The following VAV3 variants were observed in gnomAD, a reference collection of about 807,000 sequenced individuals.
VAV3 encodes the protein vav guanine nucleotide exchange factor 3.
Under a neutral mutation model 131.2 loss-of-function variants are expected in VAV3, and 94 were observed. That is an observed-to-expected ratio of 0.72 (90% CI 0.61 to 0.85). The LOEUF (loss-of-function observed/expected upper bound fraction) is 0.85. Ranked by LOEUF, VAV3 falls within the 40% of genes least tolerant of loss-of-function variation. The pLI, the probability that VAV3 is intolerant of heterozygous loss-of-function variation, is 0.00. For synonymous variants in VAV3, 349 were observed against 342.0 expected, an observed-to-expected ratio of 1.02 and a Z score of -0.22; for missense variants, 939 against 1,002.7, an observed-to-expected ratio of 0.94 and a Z score of 0.86.
At chr1:107,595,002 GT>G (rs1405010058) in intron 25 of VAV3, among the ~76,000 whole-genome samples, 1 of 152,124 alleles carries the variant, frequency 6.6e-6, no homozygotes, top group African/African-American at 2.4e-5. Context: ...CTTCAACAGA[GT>G]TTTAAGATAT....
chr1:107,627,133 C>T (rs1387977835), intron 20 of VAV3, among the ~76,000 whole-genome samples: 1 of 152,126 alleles, frequency 6.6e-6, no homozygotes, highest in Non-Finnish European at 1.5e-5. Context: ...CAGAGGGTTT[C>T]TGGGTTGTGC....
intron 24 of VAV3, among the ~76,000 whole-genome samples, chr1:107,598,538 T>C (rs1651577817): frequency 6.6e-6 from 1 of 152,186 alleles, no homozygotes; most frequent in Non-Finnish European, 1.5e-5. Context: ...CCTTTCTTCC[T>C]TGGGCCCAGA....
chr1:107,668,300 G>C (rs754808621), intron 19 of VAV3, among the ~76,000 whole-genome samples: 1 of 152,134 alleles, frequency 6.6e-6, no homozygotes, highest in South Asian at 2.1e-4. Flanking sequence ...AACATACAAT[G>C]CTTCTTCTAG....
chr1:107,945,212 C>A (rs896202751), intron 1 of VAV3, among the ~76,000 whole-genome samples: 2 of 151,928 alleles, frequency 1.3e-5, no homozygotes, highest in African/African-American at 4.8e-5. Context: ...TCAGACTTTC[C>A]CTCATTAACA....
rs116310444 is a variant in VAV3, at chr1:107,773,260, C to T, written c.447-417G>A. Among the ~76,000 whole-genome samples, 979 of 152,306 alleles carry T rather than the reference C, an allele frequency of 6.4e-3. 13 individuals are homozygous for T. Among genetic ancestry groups the T allele is most frequent in the African/African-American group, 0.023 (937 of 41,566 alleles). On this transcript the variant is annotated intron_variant, in intron 4 of 26. Coordinates refer to ENST00000370056, the MANE Select transcript of VAV3 (RefSeq NM_006113.5). ...ATCCAATATTTAAAACCAAGTCTGT[C>T]TTAACGCTGAGTGTTTTACCCACTC...
chr1:107,597,871 C>G (rs1472458452), intron 24 of VAV3, among the ~76,000 whole-genome samples: 1 of 152,120 alleles, frequency 6.6e-6, no homozygotes, highest in African/African-American at 2.4e-5. Flanking sequence ...ATCCCATGTG[C>G]CAGGCCCTTT....
chr1:107,653,130 G>T (rs1249931642), intron 19 of VAV3, among the ~76,000 whole-genome samples: 2 of 151,634 alleles, frequency 1.3e-5, no homozygotes, highest in African/African-American at 4.8e-5. Flanking sequence ...TGCAGACAGG[G>T]TTTATTGATT....
At chr1:107,841,283 G>A (rs1053570304) in intron 2 of VAV3, among the ~76,000 whole-genome samples, 3 of 151,988 alleles carry the variant, frequency 2.0e-5, no homozygotes, top group African/African-American at 7.3e-5. Flanking sequence ...GGTGTATTTA[G>A]GGGAAAGGGG....
intron 18 of VAV3, among the ~76,000 whole-genome samples, chr1:107,686,688 T>C (rs774136498): frequency 1.3e-5 from 2 of 152,214 alleles, no homozygotes; most frequent in Non-Finnish European, 2.9e-5. Flanking sequence ...TATACTTATA[T>C]TGAAGAGTGA....
chr1:107,812,532 A>C (rs1379934195), intron 2 of VAV3, among the ~76,000 whole-genome samples: 1 of 152,078 alleles, frequency 6.6e-6, no homozygotes, highest in Non-Finnish European at 1.5e-5. Flanking sequence ...CAAGTCATAT[A>C]TACAGGACTA....
At chr1:107,733,429 T>A (rs1381326368) in intron 15 of VAV3, among the ~76,000 whole-genome samples, 1 of 152,090 alleles carries the variant, frequency 6.6e-6, no homozygotes, top group Non-Finnish European at 1.5e-5. Flanking sequence ...AGGTTGGTAA[T>A]AACAAACTTC....
At chr1:107,642,115 C>G (rs1655386258) in intron 20 of VAV3, among the ~76,000 whole-genome samples, 6 of 152,020 alleles carry the variant, frequency 3.9e-5, no homozygotes, top group Admixed American at 3.3e-4. Context: ...TAAATGGGAG[C>G]TGGGCAAAAT....
intron 21 of VAV3, among the ~76,000 whole-genome samples, chr1:107,616,816 G>C (rs928296952): frequency 1.3e-5 from 2 of 152,134 alleles, no homozygotes; most frequent in Non-Finnish European, 2.9e-5. Flanking sequence ...ATAGATTAAG[G>C]AGAGTTTTTC....
At chr1:107,806,620 C>G (rs1052754813) in intron 2 of VAV3, among the ~76,000 whole-genome samples, 3 of 152,018 alleles carry the variant, frequency 2.0e-5, no homozygotes, top group Non-Finnish European at 2.9e-5. Context: ...ATTGTAAATC[C>G]TCTATAATAA....
chr1:107,607,657 T>G (rs1652389357), intron 22 of VAV3, among the ~76,000 whole-genome samples: 1 of 152,232 alleles, frequency 6.6e-6, no homozygotes, highest in African/African-American at 2.4e-5. Context: ...CATCTATCTC[T>G]TGTTCTGCAT....
At chr1:107,616,143 T>C (rs1441980749) in intron 21 of VAV3, among the ~76,000 whole-genome samples, 2 of 152,126 alleles carry the variant, frequency 1.3e-5, no homozygotes. Context: ...AATAAAGGTA[T>C]GCATGCTTAT....
At chr1:107,588,788 A>G (rs1320998759) in intron 25 of VAV3, among the ~76,000 whole-genome samples, 1 of 152,184 alleles carries the variant, frequency 6.6e-6, no homozygotes, top group Non-Finnish European at 1.5e-5. Flanking sequence ...GATATTTGTA[A>G]AAGGGGTTTG....
intron 2 of VAV3, among the ~76,000 whole-genome samples, chr1:107,820,447 T>A (rs568052118): frequency 6.6e-6 from 1 of 151,844 alleles, no homozygotes; most frequent in African/African-American, 2.4e-5. Context: ...AGTAGAAGAA[T>A]GGTTACTGAG....
At chr1:107,960,247 T>G (rs1045422398) in intron 1 of VAV3, among the ~76,000 whole-genome samples, 1 of 152,116 alleles carries the variant, frequency 6.6e-6, no homozygotes. Context: ...GCGGGTGGAC[T>G]GCCTGAGCTC....
Sources: gnomAD v4.1 joint callset for allele counts (sites outside exome capture counted in the v4.1 genomes callset) on GRCh38, gnomAD v4.1.1 for gene constraint, MANE v1.5 for transcripts, NCBI Gene and HGNC (gene_info 2026-07-23, HGNC 2026-07-21) for gene names.